The following SLC44A1 variants were observed in gnomAD, a reference collection of about 807,000 sequenced individuals.
SLC44A1 encodes solute carrier family 44 member 1.
SLC44A1 carries 26 observed loss-of-function variants against 79.3 expected under a neutral mutation model. The ratio of observed to expected loss-of-function variants is 0.33; its 90% CI spans 0.24 to 0.46. SLC44A1 has a LOEUF of 0.46. Ranked by LOEUF, SLC44A1 falls within the 20% of genes least tolerant of loss-of-function variation. The pLI is 1.00. For missense variants in SLC44A1, 688 were observed against 798.1 expected (o/e 0.86, Z 1.66); for synonymous variants, 263 against 286.2 (o/e 0.92, Z 0.82).
chr9:105,413,008 C>T (rs143436925), intron 15 of SLC44A1, among the ~76,000 whole-genome samples: 1 of 152,166 alleles, frequency 6.6e-6, no homozygotes, highest in East Asian at 1.9e-4. Context: ...AAAGAGACAT[C>T]TTGGGGTAGA....
intron 5 of SLC44A1, among the ~76,000 whole-genome samples, chr9:105,349,930 G>A (rs2131383427): frequency 6.6e-6 from 1 of 152,198 alleles, no homozygotes; most frequent in South Asian, 2.1e-4. Flanking sequence ...ACTATGTTGA[G>A]GACTGCCTGT....
intron 3 of SLC44A1, among the ~76,000 whole-genome samples, chr9:105,330,527 C>G (rs1826717261): frequency 6.6e-6 from 1 of 152,204 alleles, no homozygotes; most frequent in Non-Finnish European, 1.5e-5. Context: ...TCATATCATT[C>G]ATTTTAATCT....
intron 15 of SLC44A1, among the ~76,000 whole-genome samples, chr9:105,404,744 C>G (rs1270394910): frequency 6.6e-6 from 1 of 152,162 alleles, no homozygotes; most frequent in Non-Finnish European, 1.5e-5. Flanking sequence ...AGGAAGAGAA[C>G]AAAGGTTTGG....
intron 1 of SLC44A1, among the ~76,000 whole-genome samples, chr9:105,284,808 A>G (rs181468120): frequency 2.0e-5 from 3 of 152,330 alleles, no homozygotes; most frequent in African/African-American, 7.2e-5. Context: ...ATTGAGATAT[A>G]ATTCATATAC....
rs967636762 is a variant in SLC44A1, at chr9:105,396,169, C to G, written c.*7113C>G. 1.0e-6 allele frequency: 1 copy of G among 985,094 alleles called. No homozygotes were observed. Among genetic ancestry groups the G allele is most frequent in the Non-Finnish European group, 1.2e-6 (1 of 829,936 alleles). 61.0% of individuals were successfully genotyped at this position (985,094 alleles called of 1,614,324 possible). On this transcript the variant is annotated 3_prime_UTR_variant, in exon 16 of 16. Transcript: ENST00000374720. ...GATTGTGTTGTGTTGTTGGAGTTTT[C>G]TGACTTCTTCCCTATAAAAAGATAC...
At chr9:105,246,394 G>T (rs327958) in intron 1 of SLC44A1, among the ~76,000 whole-genome samples, 5 of 140,006 alleles carry the variant, frequency 3.6e-5, no homozygotes, top group Admixed American at 1.4e-4. Context: ...TTTTTTGAGT[G>T]TTTGCTTACC....
chr9:105,327,972 A>G (rs978553780), intron 3 of SLC44A1, among the ~76,000 whole-genome samples: 1 of 152,192 alleles, frequency 6.6e-6, no homozygotes, highest in East Asian at 1.9e-4. Flanking sequence ...TTAGGCCTAC[A>G]CCTGGCAGAA....
chr9:105,309,760 G>C lies in SLC44A1; in HGVS notation c.163G>C (p.Ala55Pro). Reference protein sequence around the residue: ...ICGFSIATGAAARLVSGYDSY... With the variant: ...ICGFSIATGAPARLVSGYDSY... The stretch of plus-strand genomic sequence containing the variant: ...TGGCTTTTCAATAGCAACAGGTGCA[G>C]CAGCAAGACTAGTGTCAGGATACGA... The change falls in exon 3 of 16, where the codon GCA (alanine) becomes CCA (proline). Residue 55 changes from alanine (A) to proline (P), a missense_variant. Ala to Pro is a conservative substitution (Grantham distance 27, BLOSUM62 -1). Transcript: ENST00000374720. The C allele has an allele frequency of 6.2e-7, 1 of 1,613,884 alleles. No homozygotes were observed. Among genetic ancestry groups the C allele is most frequent in the South Asian group, 1.1e-5 (1 of 91,068 alleles).
intron 4 of SLC44A1, among the ~76,000 whole-genome samples, chr9:105,347,432 C>T (rs146136745): frequency 1.3e-5 from 2 of 152,058 alleles, no homozygotes; most frequent in African/African-American, 4.8e-5. Context: ...ATACAATGAA[C>T]CTTCCAGTAT....
At chr9:105,413,460 T>C (rs1323920672) in intron 15 of SLC44A1, among the ~76,000 whole-genome samples, 2 of 152,198 alleles carry the variant, frequency 1.3e-5, no homozygotes, top group Non-Finnish European at 2.9e-5. Flanking sequence ...AATGCAGATG[T>C]GATCCTACTT....
chr9:105,337,024 A>G (rs915886187), intron 4 of SLC44A1, among the ~76,000 whole-genome samples: 3 of 152,228 alleles, frequency 2.0e-5, no homozygotes, highest in African/African-American at 7.2e-5. Flanking sequence ...AGGTACTTGA[A>G]TAAAGAAGTG....
chr9:105,340,046 A>G (rs1233899740), intron 4 of SLC44A1, among the ~76,000 whole-genome samples: 2 of 152,174 alleles, frequency 1.3e-5, no homozygotes, highest in Non-Finnish European at 2.9e-5. Context: ...AAGGAGAGGG[A>G]AAAAGGGAGT....
intron 13 of SLC44A1, among the ~76,000 whole-genome samples, chr9:105,377,975 C>G (rs748644161): frequency 1.3e-5 from 2 of 152,112 alleles, no homozygotes; most frequent in African/African-American, 2.4e-5. Flanking sequence ...GGGCCGGGCA[C>G]GGTGGCTCAC....
intron 1 of SLC44A1, among the ~76,000 whole-genome samples, chr9:105,274,058 T>G (rs1830140504): frequency 6.6e-6 from 1 of 152,160 alleles, no homozygotes; most frequent in Admixed American, 6.5e-5. Context: ...ACACTGATGT[T>G]AGAGGGAAAA....
intron 1 of SLC44A1, among the ~76,000 whole-genome samples, chr9:105,289,142 G>A (rs895574195): frequency 6.6e-6 from 1 of 152,180 alleles, no homozygotes; most frequent in African/African-American, 2.4e-5. Flanking sequence ...CTAACATCAT[G>A]CCACTCCAGT....
chr9:105,251,177 A>G (rs1025286330), intron 1 of SLC44A1, among the ~76,000 whole-genome samples: 2 of 152,212 alleles, frequency 1.3e-5, no homozygotes, highest in African/African-American at 2.4e-5. Flanking sequence ...CAGCATGTTT[A>G]AATCTGTCCT....
chr9:105,308,742 C>A (rs1158684483), intron 2 of SLC44A1, among the ~76,000 whole-genome samples: 1 of 152,158 alleles, frequency 6.6e-6, no homozygotes, highest in African/African-American at 2.4e-5. Context: ...TAGTCTCTGC[C>A]TTCTTAGCCA....
chr9:105,325,419 T>C (rs575958498), intron 3 of SLC44A1, among the ~76,000 whole-genome samples: 10 of 152,308 alleles, frequency 6.6e-5, no homozygotes, highest in African/African-American at 2.4e-4. Context: ...GGGTAATTTA[T>C]AAAGAAAAAG....
intron 1 of SLC44A1, among the ~76,000 whole-genome samples, chr9:105,259,392 G>C (rs368863757): frequency 2.0e-5 from 3 of 152,176 alleles, no homozygotes; most frequent in Admixed American, 2.0e-4. Flanking sequence ...TGCCAACAAG[G>C]CTCTGGAGAG....
Sources: gnomAD v4.1 joint callset for allele counts (sites outside exome capture counted in the v4.1 genomes callset) on GRCh38, gnomAD v4.1.1 for gene constraint, MANE v1.5 for transcripts, NCBI Gene and HGNC (gene_info 2026-07-23, HGNC 2026-07-21) for gene names.